FBXO3: variants seen among roughly 807,000 people sequenced by gnomAD.
The protein encoded by FBXO3 is F-box only protein 3.
Under a neutral mutation model 64.8 loss-of-function variants are expected in FBXO3, and 17 were observed. The ratio of observed to expected loss-of-function variants is 0.26; its 90% confidence interval spans 0.18 to 0.39. FBXO3 has a LOEUF of 0.39. Ranked by LOEUF, FBXO3 falls within the 10% of genes least tolerant of loss-of-function variation. The pLI is 1.00. For missense variants in FBXO3, 420 were observed against 589.9 expected (o/e 0.71, Z 2.98); for synonymous variants, 182 against 201.6 (o/e 0.90, Z 0.82).
At chr11:33,756,919 G>A (rs1855111218) in intron 4 of FBXO3, 1 of 482,046 alleles carries the variant, frequency 2.1e-6, no homozygotes, top group Non-Finnish European at 4.1e-6. Flanking sequence ...TATAGAGACA[G>A]GCAGGATCTT....
chr11:33,770,184 T>C (rs1855479056), intron 2 of FBXO3, among the ~76,000 whole-genome samples: 1 of 152,248 alleles, frequency 6.6e-6, no homozygotes, highest in Admixed American at 6.5e-5. Flanking sequence ...TTGATAGCTC[T>C]GTTATTAATT....
chr11:33,772,167 T>A, intron 1 of FBXO3: 1 of 152,198 alleles, frequency 6.6e-6, no homozygotes, highest in Non-Finnish European at 1.5e-5. Flanking sequence ...ACTAATCCAA[T>A]CCAACCCAAT....
At chr11:33,754,905 G>A (rs1855055166) in intron 5 of FBXO3, among the ~76,000 whole-genome samples, 1 of 141,596 alleles carries the variant, frequency 7.1e-6, no homozygotes, top group Admixed American at 7.4e-5. Flanking sequence ...TTGCTCTGTT[G>A]CCCAGGCTGG....
chr11:33,765,184 GT>G (rs1446411317), intron 3 of FBXO3, among the ~76,000 whole-genome samples: 41 of 152,128 alleles, frequency 2.7e-4, no homozygotes, highest in African/African-American at 8.9e-4. Context: ...AGATGTTTTA[GT>G]TTTCATAAAT....
intron 3 of FBXO3, among the ~76,000 whole-genome samples, chr11:33,764,891 T>C (rs1466543618): frequency 6.6e-6 from 1 of 152,122 alleles, no homozygotes; most frequent in Admixed American, 6.5e-5. Flanking sequence ...GGAGAATCGC[T>C]TGAACCTGGG....
rs117568633 is a variant in FBXO3 at position 33,741,800 on chromosome 11, A to C, written c.*108T>G. 14,733 of 1,093,762 alleles carry C rather than the reference A, an allele frequency of 0.013. 141 individuals carry two copies. Among genetic ancestry groups the C allele is most frequent in the Non-Finnish European group, 0.016 (13,599 of 824,292 alleles). The allele number at this position is 1,093,762 out of a possible 1,614,324, so 67.8% of individuals were successfully genotyped here. Reference sequence around the variant, plus strand: ...AACCCAGGGCCTGAAACAATATTTCATGCTAGTTTTCCTGCTATATGCAGA... The same window carrying C: ...AACCCAGGGCCTGAAACAATATTTCCTGCTAGTTTTCCTGCTATATGCAGA... On this transcript the variant is annotated 3_prime_UTR_variant, in exon 11 of 11. Coordinates refer to ENST00000265651, the MANE Select transcript of FBXO3 (RefSeq NM_012175.4).
At chr11:33,742,618 A>G (rs1854713899) in intron 10 of FBXO3, 1 of 152,272 alleles carries the variant, frequency 6.6e-6, no homozygotes, top group Non-Finnish European at 1.5e-5. Flanking sequence ...AATAATAATT[A>G]TTAAGCTATA....
intron 3 of FBXO3, 112 bp downstream of exon 3, chr11:33,768,739 C>A (rs1855435601): frequency 8.1e-7 from 1 of 1,239,316 alleles, no homozygotes; most frequent in African/African-American, 1.5e-5. Flanking sequence ...AAATCACAGA[C>A]AAAGTTGGGT....
intron 2 of FBXO3, among the ~76,000 whole-genome samples, chr11:33,769,220 C>T (rs747003743): frequency 6.6e-5 from 10 of 152,042 alleles, no homozygotes; most frequent in Admixed American, 1.3e-4. Flanking sequence ...TTGCTAGGCA[C>T]TCATTTTCTC....
At chr11:33,774,202 C>T (rs751302562) in intron 1 of FBXO3, 192 bp downstream of exon 1, 204 of 563,536 alleles carry the variant, frequency 3.6e-4, no homozygotes, top group Middle Eastern at 4.6e-4. Context: ...AGGAGGAAGA[C>T]TCAGGGCGAG....
At chr11:33,742,184 C>A in intron 10 of FBXO3, 100 bp from the exon 11 acceptor site, 1 of 1,133,664 alleles carries the variant, frequency 8.8e-7, no homozygotes, top group Non-Finnish European at 1.2e-6. Flanking sequence ...CAACCAGACA[C>A]GCCAAATATG....
intron 1 of FBXO3, chr11:33,773,871 C>A (rs866478168): frequency 2.6e-5 from 4 of 153,722 alleles, no homozygotes; most frequent in Middle Eastern, 6.7e-3. Flanking sequence ...AAAGTGAGCC[C>A]GGACAGCGAT....
intron 6 of FBXO3, among the ~76,000 whole-genome samples, chr11:33,752,428 C>G (rs1172637453): frequency 2.6e-5 from 4 of 152,098 alleles, no homozygotes; most frequent in Non-Finnish European, 4.4e-5. Context: ...TCTTTGTAAT[C>G]TGGTTTCAAT....
At chr11:33,764,555 T>TA (rs566478410) in intron 3 of FBXO3, among the ~76,000 whole-genome samples, 21 of 148,338 alleles carry the variant, frequency 1.4e-4, no homozygotes, top group East Asian at 7.8e-4. Context: ...GTTATCTTTC[T>TA]AAAAAAAAAA....
At chr11:33,757,355 A>G (rs1207718806) in intron 4 of FBXO3, among the ~76,000 whole-genome samples, 1 of 151,574 alleles carries the variant, frequency 6.6e-6, no homozygotes, top group Non-Finnish European at 1.5e-5. Context: ...CCACAATGTA[A>G]AGTGGATATA....
At chr11:33,751,398 T>C in intron 7 of FBXO3, 125 bp downstream of exon 7, 1 of 629,698 alleles carries the variant, frequency 1.6e-6, no homozygotes. Flanking sequence ...CAATCTTCTA[T>C]TATCAACCTC....
chr11:33,774,327 C>T, intron 1 of FBXO3, 67 bp downstream of exon 1: 1 of 1,372,644 alleles, frequency 7.3e-7, no homozygotes, highest in Non-Finnish European at 1.0e-6. Flanking sequence ...CCCCGACCCC[C>T]TTTCCCCCTG....
At chr11:33,750,467 G>T in intron 8 of FBXO3, 72 bp downstream of exon 8, 1 of 1,521,970 alleles carries the variant, frequency 6.6e-7, no homozygotes, top group Non-Finnish European at 9.0e-7. Context: ...CATGTCAAAT[G>T]GGACAATAGC....
chr11:33,748,444 C>T (rs1854871317), intron 9 of FBXO3, among the ~76,000 whole-genome samples: 1 of 151,998 alleles, frequency 6.6e-6, no homozygotes, highest in South Asian at 2.1e-4. Flanking sequence ...AATCTACAAA[C>T]AATAAAAATT....
Sources: allele counts gnomAD v4.1 joint callset (sites outside exome capture counted in the v4.1 genomes callset), GRCh38; gene constraint gnomAD v4.1.1; transcripts MANE v1.5; gene names NCBI Gene and HGNC (gene_info 2026-07-23, HGNC 2026-07-21).